The following LDLRAP1 variants were observed in gnomAD, a reference collection of about 807,000 sequenced individuals.
LDLRAP1 encodes low density lipoprotein receptor adapter protein 1.
LDLRAP1 carries 30 observed loss-of-function variants against 37.8 expected under a neutral mutation model. The ratio of observed to expected loss-of-function variants is 0.79; its 90% CI spans 0.59 to 1.08. LDLRAP1 has a LOEUF of 1.08. LDLRAP1 is among the 50% of genes least tolerant of loss of function. The pLI, the probability that LDLRAP1 is intolerant of heterozygous loss-of-function variation, is 0.00. For missense variants in LDLRAP1, 375 were observed against 401.6 expected (o/e 0.93, Z 0.57); for synonymous variants, 156 against 169.8 (o/e 0.92, Z 0.63).
At chr1:25,577,697 G>A in the LDLRAP1 span, among the ~76,000 whole-genome samples, 2 of 152,224 alleles carry the variant, frequency 1.3e-5, no homozygotes, top group Non-Finnish European at 2.9e-5. Context: ...AAGACAGGGT[G>A]CATAGCAGAG....
At chr1:25,583,821 T>G in the LDLRAP1 span, among the ~76,000 whole-genome samples, 1 of 152,122 alleles carries the variant, frequency 6.6e-6, no homozygotes, top group Non-Finnish European at 1.5e-5. Flanking sequence ...AGGCAACCAC[T>G]AATCTGCTTT....
At chr1:25,573,587 A>C (rs2124712887), downstream of LDLRAP1, among the ~76,000 whole-genome samples, 2 of 152,274 alleles carry the variant, frequency 1.3e-5, no homozygotes, top group Middle Eastern at 6.8e-3. Context: ...CTGGCACCCC[A>C]CCACCCCAAC....
rs1190369526 is a variant in LDLRAP1, at chr1:25,554,783, G to A, written c.232-77G>A. ...GATGGGCCCCGTGCCTGGGGCTTAG[G>A]AACAGTGAAGTGTAAGCCATGAGGG... On this transcript the variant is annotated intron_variant, in intron 2 of 8. Transcript: ENST00000374338. The surrounding 1 kb of genome is among the most constrained non-coding windows in gnomAD (Gnocchi z 5.4). The A allele has an allele frequency of 8.5e-6, 10 of 1,182,308 alleles. No homozygotes were observed. The African/African-American group carries it at 1.3e-4, about 16-fold the overall frequency. The allele number at this position is 1,182,308 out of a possible 1,614,324, so 73.2% of individuals were successfully genotyped here.
intron 1 of LDLRAP1, 154 bp from the exon 2 acceptor site, chr1:25,553,768 C>G (rs2044131364): frequency 1.3e-6 from 1 of 780,906 alleles, no homozygotes; most frequent in Non-Finnish European, 1.9e-6. Flanking sequence ...GAAACTCAGT[C>G]TCAAAAAAAA....
the LDLRAP1 span, among the ~76,000 whole-genome samples, chr1:25,574,625 C>A: frequency 3.3e-5 from 5 of 152,208 alleles, no homozygotes; most frequent in African/African-American, 9.6e-5. Context: ...ATTGGTGTAT[C>A]CCCGTGTGAT....
At chr1:25,551,868 C>T (rs990806241) in intron 1 of LDLRAP1, among the ~76,000 whole-genome samples, 1 of 152,012 alleles carries the variant, frequency 6.6e-6, no homozygotes, top group Admixed American at 6.5e-5. Context: ...CTTCCTTGAG[C>T]GAGTATTGAG....
rs1261699470 is a variant in LDLRAP1, at chr1:25,554,133, C to T, written c.231+69C>T. ...GACCAGCTTCTTCCCAGGGTGCCCT[C>T]GTCCCAGCTTGTTACTCCAGTTGGG... On this transcript the variant is annotated intron_variant, in intron 2 of 8. Transcript: ENST00000374338. The surrounding 1 kb of genome is among the most constrained non-coding windows in gnomAD (Gnocchi z 5.4). The T allele has an allele frequency of 1.6e-5, 25 of 1,586,986 alleles. No homozygotes were observed. In the East Asian group the frequency reaches 3.6e-4, roughly 23 times the overall value.
rs960736343 is a variant in LDLRAP1 at position 25,562,998 on chromosome 1, C to T, written c.533-72C>T. 36 of 1,455,128 alleles carry T rather than the reference C, an allele frequency of 2.5e-5. No homozygotes were observed. In the Admixed American group the frequency reaches 3.8e-4, roughly 16 times the overall value. The allele number at this position is 1,455,128 out of a possible 1,614,324, so 90.1% of individuals were successfully genotyped here. ...CTTGAGGTTGGCCACCGCTAATCAC[C>T]CCTGCCCGGTGATTGCTGGGGACAG... On this transcript the variant is annotated intron_variant, in intron 5 of 8. Transcript: ENST00000374338.
intron 1 of LDLRAP1, among the ~76,000 whole-genome samples, chr1:25,553,002 ACCTTCTCCGATTTGGGAAATCG>A (rs1481076590): frequency 6.6e-6 from 1 of 152,060 alleles, no homozygotes; most frequent in African/African-American, 2.4e-5. Context: ...TGGGTCTCGA[ACCTTCTCCGATTTGGGAAATCG>A]CCTTCTCCTC....
At chr1:25,566,775 G>T (rs901715406) in intron 8 of LDLRAP1, 73 bp from the exon 9 acceptor site, 2 of 1,547,764 alleles carry the variant, frequency 1.3e-6, no homozygotes, top group African/African-American at 1.4e-5. Context: ...CCCCACTGGT[G>T]CCCCCTCGCG....
chr1:25,560,134 G>A (rs113059678), intron 4 of LDLRAP1, among the ~76,000 whole-genome samples: 3,072 of 152,254 alleles, frequency 0.02, 92 homozygotes, highest in African/African-American at 0.068. Context: ...AACGCAGAGG[G>A]GCGAAGTGAA....
chr1:25,561,125 A>G (rs570657338), intron 4 of LDLRAP1, among the ~76,000 whole-genome samples: 17 of 152,216 alleles, frequency 1.1e-4, no homozygotes, highest in Non-Finnish European at 2.2e-4. Flanking sequence ...TCCCTGCCAC[A>G]TTGGGTGTCC....
chr1:25,553,974 G>C lies in LDLRAP1; in HGVS notation c.141G>C (p.Leu47=). 2 of 1,614,058 alleles carry C rather than the reference G, an allele frequency of 1.2e-6. No homozygotes were observed. Among genetic ancestry groups the C allele is most frequent in the Non-Finnish European group, 8.5e-7 (1 of 1,180,008 alleles). ...GGGAGACGCTGCTGGAGGGGATGCT[G>C]TTCAGCCTCAAGTACCTGGGCATGA... ...DTRETLLEGM[L]FSLKYLGMTL... The change falls in exon 2 of 9, where the codon CTG becomes CTC. Residue 47 remains leucine (L), a synonymous_variant. Transcript: ENST00000374338.
downstream of LDLRAP1, among the ~76,000 whole-genome samples, chr1:25,569,735 G>T (rs1461636281): frequency 6.6e-6 from 1 of 152,220 alleles, no homozygotes; most frequent in African/African-American, 2.4e-5. Context: ...GCTGAGCTCT[G>T]CACCATATTG....
chr1:25,576,877 G>A, the LDLRAP1 span, among the ~76,000 whole-genome samples: 91,290 of 152,188 alleles, frequency 0.6, 31,373 homozygotes, highest in Non-Finnish European at 0.77. Flanking sequence ...AGGTGGCAGC[G>A]TGGTGCCATC....
chr1:25,562,946 C>G (rs1282004165), intron 5 of LDLRAP1, 124 bp from the exon 6 acceptor site: 2 of 990,732 alleles, frequency 2.0e-6, no homozygotes, highest in African/African-American at 3.2e-5. Context: ...GGTTTCTTTC[C>G]TCCCGGCTGG....
chr1:25,575,469 T>A, the LDLRAP1 span, among the ~76,000 whole-genome samples: 1 of 143,304 alleles, frequency 7.0e-6, no homozygotes, highest in Non-Finnish European at 1.5e-5. Flanking sequence ...GTGGCATGCA[T>A]CTGTAGTCCC....
the LDLRAP1 span, among the ~76,000 whole-genome samples, chr1:25,589,835 G>A: frequency 3.9e-5 from 6 of 152,244 alleles, no homozygotes; most frequent in Middle Eastern, 3.2e-3. Flanking sequence ...GGGCGCGGTG[G>A]CTCATGCCTG....
At chr1:25,553,396 G>A (rs777104555) in intron 1 of LDLRAP1, 1 of 157,788 alleles carries the variant, frequency 6.3e-6, no homozygotes, top group Non-Finnish European at 1.4e-5. Context: ...CTCTGGACTT[G>A]GTTATGTGAT....
Sources: gnomAD v4.1 joint callset for allele counts (sites outside exome capture counted in the v4.1 genomes callset) on GRCh38, gnomAD v4.1.1 for gene constraint, Gnocchi (gnomAD v3.1) non-coding constraint, MANE v1.5 for transcripts, NCBI Gene and HGNC (gene_info 2026-07-23, HGNC 2026-07-21) for gene names.